GLG1: variants seen among roughly 807,000 people sequenced by gnomAD.
GLG1 encodes Golgi apparatus protein 1.
GLG1 carries 38 observed loss-of-function variants against 160.5 expected under a neutral mutation model. That is an observed-to-expected ratio of 0.24 (90% CI 0.18 to 0.31). GLG1 has a LOEUF of 0.31. Ranked by LOEUF, GLG1 falls within the 10% of genes least tolerant of loss-of-function variation. The pLI, the probability that GLG1 is intolerant of heterozygous loss-of-function variation, is 1.00. For missense variants in GLG1, 1,373 were observed against 1,505.2 expected, an observed-to-expected ratio of 0.91 and a Z score of 1.45; for synonymous variants, 644 against 543.4, an observed-to-expected ratio of 1.19 and a Z score of -2.57.
intron 1 of GLG1, among the ~76,000 whole-genome samples, chr16:74,560,707 C>T (rs750722027): frequency 6.6e-6 from 1 of 152,002 alleles, no homozygotes; most frequent in African/African-American, 2.4e-5. Flanking sequence ...CTGAGCTGGG[C>T]ATGGTGGCTT....
chr16:74,559,476 G>C (rs546935684), intron 1 of GLG1, among the ~76,000 whole-genome samples: 86 of 151,680 alleles, frequency 5.7e-4, no homozygotes, highest in Non-Finnish European at 1.0e-3. Flanking sequence ...GGGGGAGGAG[G>C]GGCGATGGGG....
intron 18 of GLG1, 86 bp from the exon 19 acceptor site, chr16:74,465,899 G>T: frequency 9.0e-7 from 1 of 1,111,540 alleles, no homozygotes; most frequent in Non-Finnish European, 1.3e-6. Flanking sequence ...GCTCCACTGT[G>T]CCTCCCATTT....
chr16:74,500,853 T>C (rs1011234567), intron 4 of GLG1, among the ~76,000 whole-genome samples: 2 of 152,244 alleles, frequency 1.3e-5, no homozygotes, highest in African/African-American at 4.8e-5. Context: ...TTTATTATTA[T>C]ATAAAATTCT....
chr16:74,520,169 C>T (rs1362254816), intron 2 of GLG1, among the ~76,000 whole-genome samples: 1 of 152,128 alleles, frequency 6.6e-6, no homozygotes, highest in Non-Finnish European at 1.5e-5. Flanking sequence ...TTTCATTTTC[C>T]TGTTTCCATC....
chr16:74,564,688 G>C (rs1185012596), intron 1 of GLG1, among the ~76,000 whole-genome samples: 1 of 152,186 alleles, frequency 6.6e-6, no homozygotes, highest in Non-Finnish European at 1.5e-5. Context: ...AGGCGAAGCT[G>C]TTAAACAAAA....
At chr16:74,559,702 C>T (rs138215547) in intron 1 of GLG1, among the ~76,000 whole-genome samples, 36 of 151,978 alleles carry the variant, frequency 2.4e-4, no homozygotes, top group African/African-American at 8.4e-4. Context: ...TCATTCCCAC[C>T]GAGATTACGT....
intron 1 of GLG1, among the ~76,000 whole-genome samples, chr16:74,567,554 C>CTTTTT (rs869140658): frequency 3.1e-3 from 209 of 66,464 alleles, no homozygotes; most frequent in East Asian, 4.0e-3. Context: ...GGTGCACTTT[C>CTTTTT]TTTTTTTTTT....
At chr16:74,472,859 C>T (rs2015254510) in intron 13 of GLG1, 1 of 301,180 alleles carries the variant, frequency 3.3e-6, no homozygotes, top group South Asian at 2.9e-5. Context: ...ACTAATAATG[C>T]CTTTAAAGAG....
At chr16:74,468,699 A>G in intron 17 of GLG1, 1 of 494,434 alleles carries the variant, frequency 2.0e-6, no homozygotes, top group South Asian at 2.5e-5. Flanking sequence ...TGATTGGATC[A>G]CATGCTTAGT....
chr16:74,548,878 C>A (rs1197875214), intron 1 of GLG1, among the ~76,000 whole-genome samples: 1 of 152,096 alleles, frequency 6.6e-6, no homozygotes, highest in Non-Finnish European at 1.5e-5. Context: ...CACCTGTAAT[C>A]CCAGCTATTC....
intron 1 of GLG1, among the ~76,000 whole-genome samples, chr16:74,560,597 A>C (rs28683674): frequency 0.73 from 110,966 of 152,130 alleles, 40,969 homozygotes; most frequent in African/African-American, 0.84. Flanking sequence ...GCCTCAGCCT[A>C]CCAAAGTGCT....
intron 5 of GLG1, 83 bp from the exon 6 acceptor site, chr16:74,494,914 C>A: frequency 2.8e-6 from 2 of 714,100 alleles, no homozygotes; most frequent in Non-Finnish European, 5.1e-6. Context: ...ATAGAGCTTT[C>A]TATTAAACGA....
At chr16:74,530,247 A>G (rs1198309342) in intron 2 of GLG1, among the ~76,000 whole-genome samples, 2 of 152,194 alleles carry the variant, frequency 1.3e-5, no homozygotes, top group African/African-American at 2.4e-5. Context: ...TTATAGACAC[A>G]TCTCTATCCA....
At chr16:74,465,879 G>C (rs974494513) in intron 18 of GLG1, 66 bp from the exon 19 acceptor site, 1 of 1,371,508 alleles carries the variant, frequency 7.3e-7, no homozygotes, top group African/African-American at 1.4e-5. Context: ...TGTTCTGATT[G>C]AAACATTCAG....
intron 1 of GLG1, among the ~76,000 whole-genome samples, chr16:74,558,694 A>G (rs1178847569): frequency 6.6e-6 from 1 of 152,164 alleles, no homozygotes; most frequent in East Asian, 1.9e-4. Context: ...CTTACCCCCA[A>G]AGGATGCGGA....
chr16:74,581,523 A>T, intron 1 of GLG1, among the ~76,000 whole-genome samples: 1 of 129,408 alleles, frequency 7.7e-6, no homozygotes, highest in Middle Eastern at 3.4e-3. Flanking sequence ...ATGGAGATTC[A>T]ATGTAAGATT....
Position 74,606,972 on chromosome 16 carries a change from A to C in GLG1, c.123T>G (p.Gly41=), listed in dbSNP as rs375780538. The change falls in exon 1 of 26, where the codon GGT becomes GGG. Residue 41 remains glycine (G), a synonymous_variant. Coordinates refer to ENST00000422840, the MANE Select transcript of GLG1 (RefSeq NM_001145667.2). ...PGQGVHSQGQ[G]PGANFVSFVG... The stretch of plus-strand genomic sequence containing the variant: ...CGAAGGACACAAAGTTGGCCCCGGG[A>C]CCCTGGCCCTGGCTGTGGACGCCCT... 3 of 1,608,130 alleles carry C rather than the reference A, an allele frequency of 1.9e-6. No homozygotes were observed. Among genetic ancestry groups the C allele is most frequent in the African/African-American group, 1.3e-5 (1 of 74,908 alleles).
At chr16:74,580,834 A>G (rs1474937186) in intron 1 of GLG1, among the ~76,000 whole-genome samples, 1 of 152,172 alleles carries the variant, frequency 6.6e-6, no homozygotes, top group African/African-American at 2.4e-5. Context: ...AGCCTGATTA[A>G]TAAGTGGGCA....
At chr16:74,495,403 C>T (rs185381138) in intron 5 of GLG1, among the ~76,000 whole-genome samples, 2 of 152,296 alleles carry the variant, frequency 1.3e-5, no homozygotes, top group East Asian at 1.9e-4. Context: ...CGTGAGCCGC[C>T]GCACCCAGCC....
Sources: allele counts gnomAD v4.1 joint callset (sites outside exome capture counted in the v4.1 genomes callset), GRCh38; gene constraint gnomAD v4.1.1; transcripts MANE v1.5; gene names NCBI Gene and HGNC (gene_info 2026-07-23, HGNC 2026-07-21).